CFAP61: variants seen among roughly 807,000 people sequenced by gnomAD.
CFAP61 encodes cilia and flagella associated protein 61.
A neutral mutation model predicts 135.6 loss-of-function variants in CFAP61; 107 were observed. The ratio of observed to expected loss-of-function variants is 0.79; its 90% CI spans 0.67 to 0.93. CFAP61 has a LOEUF of 0.93. Among genes scored for constraint, CFAP61 ranks in the 40% least tolerant of loss-of-function variants. The pLI, the probability that CFAP61 is intolerant of heterozygous loss-of-function variation, is 0.00. For missense variants in CFAP61, 1,507 were observed against 1,556.2 expected, an observed-to-expected ratio of 0.97 and a Z score of 0.53; for synonymous variants, 575 against 578.5, an observed-to-expected ratio of 0.99 and a Z score of 0.09.
chr20:20,225,058 C>G (rs2048642677), intron 17 of CFAP61, among the ~76,000 whole-genome samples: 1 of 152,124 alleles, frequency 6.6e-6, no homozygotes, highest in Non-Finnish European at 1.5e-5. Context: ...GTCTGTTTTT[C>G]TTTCCCATGA....
chr20:20,176,431 G>C (rs1032813296), intron 13 of CFAP61, among the ~76,000 whole-genome samples: 7 of 151,988 alleles, frequency 4.6e-5, no homozygotes, highest in African/African-American at 1.7e-4. Context: ...TACTTGCAAA[G>C]ACATGGAATT....
chr20:20,260,931 G>A (rs996569), intron 20 of CFAP61, among the ~76,000 whole-genome samples: 105,406 of 152,186 alleles, frequency 0.69, 36,850 homozygotes, highest in East Asian at 0.96. Flanking sequence ...GTGCACGTCA[G>A]ACTTTTCGCC....
At chr20:20,275,169 T>TA (rs1486002128) in intron 21 of CFAP61, among the ~76,000 whole-genome samples, 2 of 152,200 alleles carry the variant, frequency 1.3e-5, no homozygotes, top group Non-Finnish European at 2.9e-5. Context: ...CTCAGGTAGC[T>TA]GTCAATCCAA....
At chr20:20,062,523 A>G (rs1055866130) in intron 2 of CFAP61, among the ~76,000 whole-genome samples, 3 of 152,192 alleles carry the variant, frequency 2.0e-5, no homozygotes, top group African/African-American at 7.2e-5. Context: ...AGCGCATATT[A>G]ATGAAACAGG....
At position 20,200,751 on chromosome 20, in the gene CFAP61, G is replaced by A. The variant is rs556557245; in HGVS notation, c.1932+849G>A. ...CCCAAGGAGCTGCCCCTCAGAGCTG[G>A]AGACGATGCTGAAATAAACACCTCG... is the stretch of plus-strand genomic sequence containing the variant. On this transcript the variant is annotated intron_variant, in intron 17 of 26. Transcript: ENST00000245957. 8.1e-5 allele frequency: 80 copies of A among 985,400 alleles called. No homozygotes were observed. The South Asian group carries it at 3.6e-3, about 44-fold the overall frequency. 61.0% of individuals were successfully genotyped at this position (985,400 alleles called of 1,614,324 possible).
At chr20:20,256,468 T>A (rs1484881133) in intron 20 of CFAP61, among the ~76,000 whole-genome samples, 1 of 151,634 alleles carries the variant, frequency 6.6e-6, no homozygotes, top group Non-Finnish European at 1.5e-5. Flanking sequence ...TTTATACAAT[T>A]TGATCACCTG....
At chr20:20,197,007 G>A (rs1208067292) in intron 16 of CFAP61, among the ~76,000 whole-genome samples, 3 of 152,104 alleles carry the variant, frequency 2.0e-5, no homozygotes, top group African/African-American at 7.2e-5. Flanking sequence ...CAATATGTTG[G>A]CTTTTCTATA....
rs1343215474 is a variant in CFAP61 at position 20,188,053 on chromosome 20, C to T, written c.1509C>T (p.Asp503=). Residue 503 remains aspartate (D), a synonymous_variant, in exon 14 of 27, where the codon GAC becomes GAT. Coordinates refer to ENST00000245957, the MANE Select transcript of CFAP61 (RefSeq NM_015585.4). ...ACCGTTACAACAAGGCTCGCAAAGACCCTGTAAGTACCTGTTGTGACCAGA... is the reference window on the plus strand; with the variant it reads ...ACCGTTACAACAAGGCTCGCAAAGATCCTGTAAGTACCTGTTGTGACCAGA... ...DLDRYNKARK[D]PDGTLLQAFV... 6.2e-7 allele frequency: 1 copy of T among 1,614,032 alleles called. No homozygotes were observed.
chr20:20,239,094 T>A (rs2049826414), intron 18 of CFAP61, among the ~76,000 whole-genome samples: 1 of 152,216 alleles, frequency 6.6e-6, no homozygotes, highest in South Asian at 2.1e-4. Context: ...TCCTGCCATT[T>A]CATCAAATGC....
chr20:20,341,695 T>C, intron 25 of CFAP61, 136 bp from the exon 26 acceptor site: 1 of 585,376 alleles, frequency 1.7e-6, no homozygotes, highest in African/African-American at 1.9e-5. Context: ...GTCAGGCTGT[T>C]CCACAAGACA....
chr20:20,348,576 G>C (rs2122418822), intron 26 of CFAP61, among the ~76,000 whole-genome samples: 1 of 151,058 alleles, frequency 6.6e-6, no homozygotes, highest in South Asian at 2.1e-4. Flanking sequence ...TGTAATCTTA[G>C]CCACTCACAA....
intron 21 of CFAP61, among the ~76,000 whole-genome samples, chr20:20,272,791 C>A (rs717778): frequency 0.31 from 47,150 of 151,996 alleles, 7,425 homozygotes; most frequent in Middle Eastern, 0.34. Flanking sequence ...TCTCTGCCCC[C>A]CTTTCTTTCT....
intron 8 of CFAP61, among the ~76,000 whole-genome samples, chr20:20,127,817 A>G (rs2050187942): frequency 6.6e-6 from 1 of 151,582 alleles, no homozygotes; most frequent in Non-Finnish European, 1.5e-5. Flanking sequence ...GGTAGGGGGC[A>G]TGGCTAGGCA....
At chr20:20,165,294 G>A (rs1383528106) in intron 11 of CFAP61, among the ~76,000 whole-genome samples, 1 of 152,218 alleles carries the variant, frequency 6.6e-6, no homozygotes, top group African/African-American at 2.4e-5. Context: ...GCCAACGGCT[G>A]TGACAAGCCC....
chr20:20,123,971 G>A, intron 8 of CFAP61, among the ~76,000 whole-genome samples: 1 of 65,262 alleles, frequency 1.5e-5, no homozygotes, highest in Middle Eastern at 0.016. Flanking sequence ...ATATTCCTAA[G>A]TTTTTTTTTT....
intron 13 of CFAP61, among the ~76,000 whole-genome samples, chr20:20,180,452 C>A (rs2054980153): frequency 6.6e-6 from 1 of 151,902 alleles, no homozygotes; most frequent in Non-Finnish European, 1.5e-5. Flanking sequence ...AAATGCAGAT[C>A]AAAACCACCA....
At chr20:20,280,237 G>A (rs2054098242) in intron 22 of CFAP61, among the ~76,000 whole-genome samples, 1 of 152,174 alleles carries the variant, frequency 6.6e-6, no homozygotes, top group African/African-American at 2.4e-5. Context: ...TCACGACAGT[G>A]GAGGCAGAGG....
At position 20,350,668 on chromosome 20, in the gene CFAP61, G is replaced by T. The variant is rs775840597; in HGVS notation, c.3513+8747G>T. Among the ~76,000 whole-genome samples the T allele has an allele frequency of 3.3e-5, 5 of 152,194 alleles. No homozygotes were observed. In the South Asian group the frequency reaches 6.2e-4, roughly 19 times the overall value. Reference sequence around the variant, plus strand: ...AACAAACAAACAAAGAATTGAATGAGGTATTCTAATGATTGCTTGTACAAG... The same window carrying T: ...AACAAACAAACAAAGAATTGAATGATGTATTCTAATGATTGCTTGTACAAG... On this transcript the variant is annotated intron_variant, in intron 26 of 26. Transcript: ENST00000245957.
intron 8 of CFAP61, among the ~76,000 whole-genome samples, chr20:20,122,596 A>C (rs1015413687): frequency 6.6e-6 from 1 of 152,198 alleles, no homozygotes. Flanking sequence ...AAATGCTGTT[A>C]ATTCATTCCT....
Sources: gnomAD v4.1 joint callset for allele counts (sites outside exome capture counted in the v4.1 genomes callset) on GRCh38, gnomAD v4.1.1 for gene constraint, MANE v1.5 for transcripts, NCBI Gene and HGNC (gene_info 2026-07-23, HGNC 2026-07-21) for gene names.